Variants in GPHN observed in about 807,000 individuals in gnomAD.
GPHN encodes the protein gephyrin.
Under a neutral mutation model 95.5 loss-of-function variants are expected in GPHN, and 17 were observed. The observed-to-expected ratio is 0.18, with a 90% confidence interval of 0.12 to 0.27. GPHN has a LOEUF of 0.27. Ranked by LOEUF, GPHN falls within the 10% of genes least tolerant of loss-of-function variation. GPHN has a pLI of 1.00. For synonymous variants in GPHN, 320 were observed against 322.5 expected (o/e 0.99, Z 0.08); for missense variants, 660 against 978.1 (o/e 0.67, Z 4.34).
chr14:67,693,770 G>T, the GPHN span, among the ~76,000 whole-genome samples: 5 of 151,196 alleles, frequency 3.3e-5, no homozygotes, highest in Admixed American at 3.3e-4. Flanking sequence ...AGGTTCAAGC[G>T]ATTCTCATCC....
At chr14:66,590,142 A>G (rs2061580768) in intron 1 of GPHN, among the ~76,000 whole-genome samples, 1 of 152,174 alleles carries the variant, frequency 6.6e-6, no homozygotes, top group African/African-American at 2.4e-5. Flanking sequence ...AACAGACACA[A>G]CATAGAGGAA....
At chr14:67,640,619 A>G in the GPHN span, among the ~76,000 whole-genome samples, 1 of 152,230 alleles carries the variant, frequency 6.6e-6, no homozygotes, top group East Asian at 1.9e-4. Context: ...TGCAAATATT[A>G]AGATACGCCA....
chr14:67,205,377 C>T, the GPHN span, among the ~76,000 whole-genome samples: 15 of 152,222 alleles, frequency 9.9e-5, no homozygotes, highest in Non-Finnish European at 1.8e-4. Context: ...TCTCAACCTG[C>T]GGCTCATATT....
chr14:67,661,484 T>G, the GPHN span, among the ~76,000 whole-genome samples: 1 of 149,592 alleles, frequency 6.7e-6, no homozygotes, highest in Admixed American at 6.7e-5. Context: ...GAATTACCTC[T>G]AAACTACATT....
At chr14:66,813,888 G>A (rs926984895) in intron 3 of GPHN, among the ~76,000 whole-genome samples, 9 of 152,086 alleles carry the variant, frequency 5.9e-5, no homozygotes, top group African/African-American at 1.9e-4. Flanking sequence ...GGGTACCCAC[G>A]CCGTAGCTTC....
chr14:66,686,024 T>G (rs976925245), intron 2 of GPHN, among the ~76,000 whole-genome samples: 2 of 152,224 alleles, frequency 1.3e-5, no homozygotes, highest in Non-Finnish European at 2.9e-5. Flanking sequence ...CATTGCTTGT[T>G]TTTGTCAGGT....
chr14:67,134,213 A>G lies in GPHN; in HGVS notation c.1749-9149A>G, dbSNP rs78737217. On this transcript the variant is annotated intron_variant, in intron 17 of 22. Transcript: ENST00000478722. ...TTTGTTTGAATTCTTTTAGTGAGAAAGATCTCTACTGCCTCATGAGGTAGC... is the reference window on the plus strand; with the variant it reads ...TTTGTTTGAATTCTTTTAGTGAGAAGGATCTCTACTGCCTCATGAGGTAGC... Among the ~76,000 whole-genome samples, 157 of 152,326 alleles carry G rather than the reference A, an allele frequency of 1.0e-3. 1 individual carries two copies. The East Asian group carries it at 0.017, about 16-fold the overall frequency.
At chr14:67,648,896 TATAG>T in the GPHN span, 1 of 152,178 alleles carries the variant, frequency 6.6e-6, no homozygotes, top group African/African-American at 2.4e-5. Flanking sequence ...GGAACTAGGG[TATAG>T]ATAGAGACCC....
At chr14:66,836,904 A>C (rs2153504570) in intron 4 of GPHN, among the ~76,000 whole-genome samples, 1 of 151,080 alleles carries the variant, frequency 6.6e-6, no homozygotes, top group Middle Eastern at 3.4e-3. Flanking sequence ...ATACCATCTC[A>C]CACCAGTTAG....
chr14:67,246,576 A>T, the GPHN span, among the ~76,000 whole-genome samples: 3 of 151,530 alleles, frequency 2.0e-5, no homozygotes, highest in African/African-American at 7.3e-5. Context: ...GCTGAGCACA[A>T]GGGATCCTTC....
At chr14:66,596,132 G>A (rs1427444890) in intron 1 of GPHN, among the ~76,000 whole-genome samples, 1 of 152,016 alleles carries the variant, frequency 6.6e-6, no homozygotes, top group Non-Finnish European at 1.5e-5. Context: ...GACCCTCAGT[G>A]GGTGGCTCTT....
the GPHN span, chr14:67,575,643 CT>C: frequency 1.4e-6 from 1 of 699,538 alleles, no homozygotes; most frequent in Non-Finnish European, 2.5e-6. Context: ...GTCTCTGGTG[CT>C]TCTCCAAGCA....
the GPHN span, among the ~76,000 whole-genome samples, chr14:67,466,823 T>A: frequency 6.6e-6 from 1 of 151,822 alleles, no homozygotes; most frequent in East Asian, 1.9e-4. Flanking sequence ...CAAAACCCCA[T>A]CTCTATTAAA....
At chr14:66,597,909 G>T (rs2062052787) in intron 1 of GPHN, among the ~76,000 whole-genome samples, 1 of 152,158 alleles carries the variant, frequency 6.6e-6, no homozygotes, top group Non-Finnish European at 1.5e-5. Flanking sequence ...AATGGATGAA[G>T]AAAACATGTT....
the GPHN span, among the ~76,000 whole-genome samples, chr14:67,213,476 C>T: frequency 1.3e-5 from 2 of 150,620 alleles, no homozygotes; most frequent in Non-Finnish European, 3.0e-5. Flanking sequence ...CATCCATGTC[C>T]CTACAAAGGA....
At chr14:66,887,611 A>C (rs1384180052) in intron 5 of GPHN, among the ~76,000 whole-genome samples, 3 of 152,138 alleles carry the variant, frequency 2.0e-5, no homozygotes, top group African/African-American at 4.8e-5. Context: ...ATAGGACTAT[A>C]GAATACTTCC....
At chr14:67,690,273 G>A in the GPHN span, 1 of 1,614,120 alleles carries the variant, frequency 6.2e-7, no homozygotes. Flanking sequence ...TGTGACAGTA[G>A]GCCAGGCCTG....
the GPHN span, among the ~76,000 whole-genome samples, chr14:67,732,720 G>A: frequency 6.6e-6 from 1 of 152,040 alleles, no homozygotes; most frequent in Non-Finnish European, 1.5e-5. Context: ...GGGATTACGG[G>A]TGCCCACCAC....
the GPHN span, among the ~76,000 whole-genome samples, chr14:67,700,520 C>T: frequency 6.7e-6 from 1 of 149,374 alleles, no homozygotes; most frequent in South Asian, 2.1e-4. Flanking sequence ...TCGAGACCAT[C>T]CTGGCTAACA....
Sources: allele counts gnomAD v4.1 joint callset (sites outside exome capture counted in the v4.1 genomes callset), GRCh38; gene constraint gnomAD v4.1.1; transcripts MANE v1.5; gene names NCBI Gene and HGNC (gene_info 2026-07-23, HGNC 2026-07-21).